SOX6: variants seen among roughly 807,000 people sequenced by gnomAD.
The protein encoded by SOX6 is SRY-box transcription factor 6, also known as transcription factor SOX-6.
Under a neutral mutation model 97.8 loss-of-function variants are expected in SOX6, and 11 were observed. That is an observed-to-expected ratio of 0.11 (90% CI 0.07 to 0.19). SOX6 has a LOEUF of 0.19. Ranked by LOEUF, SOX6 falls within the 10% of genes least tolerant of loss-of-function variation. The pLI, the probability that SOX6 is intolerant of heterozygous loss-of-function variation, is 1.00. For synonymous variants in SOX6, 360 were observed against 371.4 expected (o/e 0.97, Z 0.35); for missense variants, 810 against 1,039.5 (o/e 0.78, Z 3.04).
rs1040795749 is a variant in SOX6, at chr11:16,050,278, G to T, written c.1252-340C>A. 4.8e-4 allele frequency among the ~76,000 whole-genome samples: 73 copies of T among 152,158 alleles called. 1 individual carries two copies. Among genetic ancestry groups the T allele is most frequent in the African/African-American group, 1.5e-3 (63 of 41,446 alleles). The stretch of plus-strand genomic sequence containing the variant: ...CAAAGAATTATTTAAAATTTCAGCA[G>T]CTCTGTAGTGCTTTTGTGTTACTCT... On this transcript the variant is annotated intron_variant, in intron 10 of 15. Transcript: ENST00000683767.
At chr11:16,070,710 G>T (rs564031010) in intron 9 of SOX6, among the ~76,000 whole-genome samples, 170 of 152,052 alleles carry the variant, frequency 1.1e-3, no homozygotes, top group African/African-American at 3.9e-3. Flanking sequence ...CTGGGCACCA[G>T]TCTGTCTGGG....
chr11:16,239,038 A>G (rs993692415), intron 3 of SOX6, among the ~76,000 whole-genome samples: 1 of 152,122 alleles, frequency 6.6e-6, no homozygotes, highest in African/African-American at 2.4e-5. Context: ...ATATATTTAT[A>G]TCCCCACTGA....
chr11:16,581,685 C>T (rs993263861), intron 4 of SOX6, among the ~76,000 whole-genome samples: 12 of 151,810 alleles, frequency 7.9e-5, no homozygotes, highest in Non-Finnish European at 1.3e-4. Flanking sequence ...GAATGATGGC[C>T]GGGTGTGGTG....
chr11:15,987,182 A>AT (rs1243441531), intron 14 of SOX6, among the ~76,000 whole-genome samples: 1 of 152,160 alleles, frequency 6.6e-6, no homozygotes, highest in African/African-American at 2.4e-5. Flanking sequence ...ATCAAATTGC[A>AT]TTTTTGTGTC....
chr11:16,357,073 G>C (rs557931178), upstream of SOX6, among the ~76,000 whole-genome samples: 1 of 152,094 alleles, frequency 6.6e-6, no homozygotes, highest in South Asian at 2.1e-4. Context: ...AAATATGAAA[G>C]GAAGAAGCCA....
At chr11:16,342,446 A>C (rs1027114131) in intron 1 of SOX6, among the ~76,000 whole-genome samples, 6 of 151,942 alleles carry the variant, frequency 3.9e-5, no homozygotes, top group African/African-American at 7.2e-5. Flanking sequence ...AAAATGCACA[A>C]ATCAGTTAAC....
intron 6 of SOX6, among the ~76,000 whole-genome samples, chr11:16,134,764 C>G (rs1849916008): frequency 6.6e-6 from 1 of 152,184 alleles, no homozygotes; most frequent in South Asian, 2.1e-4. Flanking sequence ...ACCAGCTGTT[C>G]CCCTGTCTCT....
At chr11:16,354,061 A>G (rs1857016435) in intron 1 of SOX6, among the ~76,000 whole-genome samples, 1 of 152,032 alleles carries the variant, frequency 6.6e-6, no homozygotes, top group African/African-American at 2.4e-5. Context: ...TATTGCCAGA[A>G]GGAAAAGTAC....
Position 16,181,123 on chromosome 11 carries a change from T to C in SOX6, c.777+2763A>G, listed in dbSNP as rs1851335880. Among the ~76,000 whole-genome samples, 3 of 151,686 alleles carry C rather than the reference T, an allele frequency of 2.0e-5. No individual in the cohort carries two copies. The South Asian group carries it at 6.2e-4, about 31-fold the overall frequency. ...ACAGTACTATTTCAGAAGACAGCAT[T>C]CTAAACTAGAGGAACGATTTTGAAT... is the stretch of plus-strand genomic sequence containing the variant. On this transcript the variant is annotated intron_variant, in intron 6 of 15. Transcript: ENST00000683767.
chr11:16,513,324 A>G (rs1202632139), intron 4 of SOX6, among the ~76,000 whole-genome samples: 1 of 139,074 alleles, frequency 7.2e-6, no homozygotes, highest in Non-Finnish European at 1.5e-5. Context: ...AGAGGGACAC[A>G]GGGGATAAAG....
chr11:16,402,742 G>A, intron 1 of SOX6: 3 of 1,609,672 alleles, frequency 1.9e-6, no homozygotes, highest in Non-Finnish European at 2.5e-6. Flanking sequence ...CTGACTTAGG[G>A]GCTGGCTAGA....
At chr11:16,294,925 G>T (rs1271282967) in intron 3 of SOX6, among the ~76,000 whole-genome samples, 2 of 151,860 alleles carry the variant, frequency 1.3e-5, no homozygotes, top group East Asian at 1.9e-4. Flanking sequence ...TTTCAAACAA[G>T]AATTAAATTA....
chr11:16,654,158 T>C (rs1283866068), intron 3 of SOX6, among the ~76,000 whole-genome samples: 1 of 152,136 alleles, frequency 6.6e-6, no homozygotes, highest in Non-Finnish European at 1.5e-5. Flanking sequence ...CTACATATTG[T>C]CATCTCTCTT....
At chr11:16,645,367 G>C (rs546941516) in intron 3 of SOX6, among the ~76,000 whole-genome samples, 9 of 152,122 alleles carry the variant, frequency 5.9e-5, no homozygotes, top group Admixed American at 5.9e-4. Flanking sequence ...CTGCATCTTG[G>C]TCACCACATA....
chr11:16,480,625 A>G (rs1483330704), upstream of SOX6, among the ~76,000 whole-genome samples: 1 of 137,938 alleles, frequency 7.2e-6, no homozygotes, highest in Non-Finnish European at 1.6e-5. Context: ...TTTAAGCCAC[A>G]CCCATTTCTG....
At chr11:16,181,091 G>T (rs1010788218) in intron 6 of SOX6, among the ~76,000 whole-genome samples, 2 of 151,190 alleles carry the variant, frequency 1.3e-5, no homozygotes, top group African/African-American at 4.9e-5. Context: ...AAATTGGGGG[G>T]AAAAAAACAG....
intron 4 of SOX6, among the ~76,000 whole-genome samples, chr11:16,520,809 G>A (rs61881835): frequency 0.042 from 6,323 of 152,246 alleles, 416 homozygotes; most frequent in African/African-American, 0.14. Context: ...TTAAAAAACG[G>A]CACACCAGGA....
intron 2 of SOX6, among the ~76,000 whole-genome samples, chr11:16,718,968 T>C (rs1411738817): frequency 2.7e-5 from 4 of 146,874 alleles, no homozygotes; most frequent in Non-Finnish European, 6.0e-5. Context: ...CTTTCCTTTA[T>C]TTTTAAAATT....
At chr11:16,711,906 T>C (rs375898282) in intron 3 of SOX6, among the ~76,000 whole-genome samples, 16 of 152,138 alleles carry the variant, frequency 1.1e-4, no homozygotes, top group African/African-American at 3.9e-4. Context: ...GTCCATCATA[T>C]CATTCTTATG....
Sources: gnomAD v4.1 joint callset for allele counts (sites outside exome capture counted in the v4.1 genomes callset) on GRCh38, gnomAD v4.1.1 for gene constraint, MANE v1.5 for transcripts, NCBI Gene and HGNC (gene_info 2026-07-23, HGNC 2026-07-21) for gene names.